Variants in MTA3 observed in about 807,000 individuals in gnomAD.
MTA3 encodes the protein metastasis associated 1 family member 3, also known as metastasis-associated protein MTA3.
MTA3 carries 34 observed loss-of-function variants against 83.5 expected under a neutral mutation model. The ratio of observed to expected loss-of-function variants is 0.41; its 90% CI spans 0.31 to 0.54. MTA3 has a LOEUF of 0.54. MTA3 is among the 20% of genes least tolerant of loss of function. The pLI, the probability that MTA3 is intolerant of heterozygous loss-of-function variation, is 0.33. For missense variants in MTA3, 761 were observed against 726.4 expected, an observed-to-expected ratio of 1.05 and a Z score of -0.55; for synonymous variants, 303 against 252.7, an observed-to-expected ratio of 1.20 and a Z score of -1.89.
intron 2 of MTA3, among the ~76,000 whole-genome samples, chr2:42,543,339 A>T (rs1253089409): frequency 2.6e-5 from 4 of 151,854 alleles, no homozygotes; most frequent in African/African-American, 9.7e-5. Context: ...CACCATGCCC[A>T]GCTAATTTTT....
At chr2:42,504,528 C>T (rs772585436) in intron 2 of MTA3, among the ~76,000 whole-genome samples, 3 of 152,140 alleles carry the variant, frequency 2.0e-5, no homozygotes, top group Non-Finnish European at 4.4e-5. Flanking sequence ...GGGTGAGCCA[C>T]CACACCAAGC....
chr2:42,663,490 C>T (rs1308171447), intron 8 of MTA3, among the ~76,000 whole-genome samples: 1 of 152,204 alleles, frequency 6.6e-6, no homozygotes, highest in Admixed American at 6.5e-5. Context: ...GCCAAGTACA[C>T]TGGCTTATGC....
chr2:42,609,390 A>T, intron 3 of MTA3, 68 bp from the exon 4 acceptor site: 4 of 1,460,172 alleles, frequency 2.7e-6, no homozygotes, highest in Non-Finnish European at 3.8e-6. Flanking sequence ...TGTTGATTTG[A>T]TCTGTTTCAA....
At position 42,579,208 on chromosome 2, in the gene MTA3, G is replaced by A. The variant is rs374435533; in HGVS notation, c.190+8G>A. Reference sequence around the variant, plus strand: ...TCGCAGATAAGCATGCTAGTAAGTTGTTTTTCTCTGATTAAAAAAACGTTT... The same window carrying A: ...TCGCAGATAAGCATGCTAGTAAGTTATTTTTCTCTGATTAAAAAAACGTTT... On this transcript the variant is annotated splice_region_variant and intron_variant, in intron 3 of 16. Transcript: ENST00000405094. 1 of 1,564,978 alleles carries A rather than the reference G, an allele frequency of 6.4e-7. No individual in the cohort carries two copies. Among genetic ancestry groups the A allele is most frequent in the Non-Finnish European group, 8.6e-7 (1 of 1,157,218 alleles).
At chr2:42,718,284 G>C (rs1246934141) in intron 14 of MTA3, among the ~76,000 whole-genome samples, 3 of 151,840 alleles carry the variant, frequency 2.0e-5, no homozygotes, top group Non-Finnish European at 4.4e-5. Flanking sequence ...TTTCGCTCTT[G>C]TTGCCCAGGC....
intron 2 of MTA3, among the ~76,000 whole-genome samples, chr2:42,555,753 G>C (rs1437884850): frequency 1.3e-5 from 2 of 151,664 alleles, no homozygotes; most frequent in Non-Finnish European, 2.9e-5. Flanking sequence ...GCGCAACAGA[G>C]CGAGACTCCG....
At chr2:42,574,311 G>T (rs967873615) in intron 2 of MTA3, among the ~76,000 whole-genome samples, 8 of 150,930 alleles carry the variant, frequency 5.3e-5, no homozygotes, top group African/African-American at 2.0e-4. Flanking sequence ...ATTTTTAGCA[G>T]AGATGGGGTT....
chr2:42,567,508 C>T (rs1037953388), upstream of MTA3, among the ~76,000 whole-genome samples: 4 of 152,158 alleles, frequency 2.6e-5, no homozygotes, highest in Non-Finnish European at 4.4e-5. Flanking sequence ...ACCACACATT[C>T]CAAACAAGCC....
intron 16 of MTA3, among the ~76,000 whole-genome samples, chr2:42,745,679 C>T (rs1180666980): frequency 1.3e-5 from 2 of 152,088 alleles, no homozygotes; most frequent in Non-Finnish European, 2.9e-5. Context: ...AGCCACTGCA[C>T]CCAGCTGAGA....
In MTA3 at chr2:42,709,303, A is replaced by G. The variant is rs1304623786; in HGVS notation, c.1525+207A>G. ...GGAAAAAAAAAATCAAAACATTGAA[A>G]CTTCTGTACTCTTTACCAGAGAGTA... is the stretch of plus-strand genomic sequence containing the variant. On this transcript the variant is annotated intron_variant, in intron 14 of 16. Transcript: ENST00000405094. 4 of 1,398,328 alleles carry G rather than the reference A, an allele frequency of 2.9e-6. No individual in the cohort carries two copies. In the Admixed American group the frequency reaches 1.3e-4, roughly 44 times the overall value. The allele number at this position is 1,398,328 out of a possible 1,614,324, so 86.6% of individuals were successfully genotyped here. A position where few individuals can be genotyped will look rare whatever the true frequency, so the allele number is the denominator to read the frequency against.
chr2:42,548,877 A>ATATATATATTATATATATAT (rs1676930515), intron 2 of MTA3, among the ~76,000 whole-genome samples: 2 of 10,640 alleles, frequency 1.9e-4, no homozygotes, highest in African/African-American at 1.5e-3. Context: ...TATATATATA[A>ATATATATATTATATATATAT]TATATATATA....
chr2:42,579,700 C>G (rs1190602035), intron 3 of MTA3, among the ~76,000 whole-genome samples: 2 of 152,134 alleles, frequency 1.3e-5, no homozygotes, highest in South Asian at 4.1e-4. Flanking sequence ...GTCTTGCCAT[C>G]TCCTGTTTTC....
chr2:42,756,744 G>A lies in MTA3; in HGVS notation c.*3345G>A. Reference sequence around the variant, plus strand: ...CAGGAAGGCCATGTCCCAGTTTTCTGTCCACCCCTCCTGTTCCTCTGCACT... The same window carrying A: ...CAGGAAGGCCATGTCCCAGTTTTCTATCCACCCCTCCTGTTCCTCTGCACT... On this transcript the variant is annotated 3_prime_UTR_variant, in exon 17 of 17. Transcript: ENST00000405094. The A allele has an allele frequency of 1.0e-6, 1 of 985,432 alleles. No homozygotes were observed. Among genetic ancestry groups the A allele is most frequent in the Non-Finnish European group, 1.2e-6 (1 of 829,970 alleles). The allele number at this position is 985,432 out of a possible 1,614,324, so 61.0% of individuals were successfully genotyped here. A position where few individuals can be genotyped will look rare whatever the true frequency, so the allele number is the denominator to read the frequency against.
chr2:42,578,208 A>G (rs1679254530), intron 2 of MTA3, among the ~76,000 whole-genome samples: 1 of 152,220 alleles, frequency 6.6e-6, no homozygotes, highest in Non-Finnish European at 1.5e-5. Flanking sequence ...AATGGAAATC[A>G]CAATAGCATT....
rs1282144336 is a variant in MTA3, at chr2:42,507,047, T to G, written c.-141+11793T>G. Reference sequence around the variant, plus strand: ...AGCCTCCCGAGTAGCTGGAGTAGCATGCGTGATCACGCTTGGCTAATTTTT... The same window carrying G: ...AGCCTCCCGAGTAGCTGGAGTAGCAGGCGTGATCACGCTTGGCTAATTTTT... On this transcript the variant is annotated intron_variant, in intron 2 of 17. Transcript: ENST00000405592. Among the ~76,000 whole-genome samples the G allele has an allele frequency of 5.3e-5, 8 of 152,324 alleles. No homozygotes were observed. The South Asian group carries it at 1.7e-3, about 32-fold the overall frequency.
chr2:42,678,278 C>T (rs143297781), intron 8 of MTA3, among the ~76,000 whole-genome samples: 30 of 152,122 alleles, frequency 2.0e-4, no homozygotes, highest in Admixed American at 1.7e-3. Context: ...GATTATAACT[C>T]GGAAATTGTT....
At chr2:42,578,057 G>T (rs1422428111) in intron 2 of MTA3, among the ~76,000 whole-genome samples, 1 of 152,242 alleles carries the variant, frequency 6.6e-6, no homozygotes, top group Admixed American at 6.5e-5. Context: ...GTTTCCACAG[G>T]ACTATTTCTT....
intron 2 of MTA3, among the ~76,000 whole-genome samples, chr2:42,518,137 C>T (rs1385688379): frequency 6.6e-6 from 1 of 151,300 alleles, no homozygotes; most frequent in Non-Finnish European, 1.5e-5. Context: ...GCCGAGATCG[C>T]ACCATTGCAC....
Position 42,568,801 on chromosome 2 carries a change from G to A in MTA3, c.28+28G>A, listed in dbSNP as rs1334165193. 14 of 1,215,056 alleles carry A rather than the reference G, an allele frequency of 1.2e-5. No homozygotes were observed. In the African/African-American group the frequency reaches 2.2e-4, roughly 19 times the overall value. The allele number at this position is 1,215,056 out of a possible 1,614,324, so 75.3% of individuals were successfully genotyped here. A position where few individuals can be genotyped will look rare whatever the true frequency, so the allele number is the denominator to read the frequency against. The stretch of plus-strand genomic sequence containing the variant: ...AGGCAGGCTCGGCCCGACCCGGCCC[G>A]TGTGGGAGCGGGTTCCGGGAGCGGG... On this transcript the variant is annotated intron_variant, in intron 1 of 16. Coordinates refer to ENST00000405094, the MANE Select transcript of MTA3 (RefSeq NM_001330442.2).
Sources: allele counts gnomAD v4.1 joint callset (sites outside exome capture counted in the v4.1 genomes callset), GRCh38; gene constraint gnomAD v4.1.1; transcripts MANE v1.5; gene names NCBI Gene and HGNC (gene_info 2026-07-23, HGNC 2026-07-21).